Variants in GLDN observed in about 807,000 individuals in gnomAD.
The protein encoded by GLDN is gliomedin.
GLDN carries 47 observed loss-of-function variants against 56.5 expected under a neutral mutation model. The observed-to-expected ratio is 0.83, with a 90% CI of 0.66 to 1.06. GLDN has a LOEUF of 1.06. Ranked by LOEUF, GLDN falls within the 50% of genes least tolerant of loss-of-function variation. The pLI is 0.00. For missense variants in GLDN, 782 were observed against 714.3 expected (o/e 1.09, Z -1.08); for synonymous variants, 332 against 278.8 (o/e 1.19, Z -1.90).
chr15:51,368,349 C>T (rs7174434), intron 1 of GLDN, among the ~76,000 whole-genome samples: 17,697 of 151,892 alleles, frequency 0.12, 1,961 homozygotes, highest in African/African-American at 0.29. Context: ...GGCACAGAAA[C>T]GGGCAGTCAG....
intron 6 of GLDN, among the ~76,000 whole-genome samples, chr15:51,398,926 T>G (rs1394773403): frequency 6.6e-6 from 1 of 152,210 alleles, no homozygotes; most frequent in Non-Finnish European, 1.5e-5. Flanking sequence ...CTCCTGGGCT[T>G]AGCCTAATCT....
Position 51,405,936 on chromosome 15 carries a change from A to G in GLDN, c.*1182A>G, listed in dbSNP as rs578050268. 6.6e-6 allele frequency: 1 copy of G among 152,244 alleles called. No homozygotes were observed. Among genetic ancestry groups the G allele is most frequent in the Admixed American group, 6.5e-5 (1 of 15,282 alleles). The allele number at this position is 152,244 out of a possible 1,614,324, so 9.4% of individuals were successfully genotyped here. A position where few individuals can be genotyped will look rare whatever the true frequency, so the allele number is the denominator to read the frequency against. On this transcript the variant is annotated 3_prime_UTR_variant, in exon 10 of 10. Coordinates refer to ENST00000335449, the MANE Select transcript of GLDN (RefSeq NM_181789.4). ...TGCAACAAAGAGCATATGGCCCCAC[A>G]GTGCCTAAAATATTGACCAGCTACC... is the stretch of plus-strand genomic sequence containing the variant.
At chr15:51,372,361 G>A (rs563925899) in intron 1 of GLDN, among the ~76,000 whole-genome samples, 3 of 152,142 alleles carry the variant, frequency 2.0e-5, no homozygotes, top group South Asian at 2.1e-4. Flanking sequence ...AAAACAAGTC[G>A]CCATGCAATG....
chr15:51,355,593 G>A lies in GLDN; in HGVS notation c.363+13546G>A, dbSNP rs563744594. ...GGCTGGAGTCCAGTGGCATGATTTC[G>A]GCTCACTTTAACCTCCGCCTCCTGG... On this transcript the variant is annotated intron_variant, in intron 1 of 9. Transcript: ENST00000335449. Among the ~76,000 whole-genome samples the A allele has an allele frequency of 5.3e-3, 776 of 146,582 alleles. 4 individuals carry two copies. Among genetic ancestry groups the A allele is most frequent in the Non-Finnish European group, 8.2e-3 (548 of 67,080 alleles).
intron 1 of GLDN, among the ~76,000 whole-genome samples, chr15:51,355,983 G>A (rs528132340): frequency 0.041 from 6,102 of 148,424 alleles, 164 homozygotes; most frequent in South Asian, 0.066. Context: ...CAAGGCGGGC[G>A]GATCACGAGG....
intron 5 of GLDN, among the ~76,000 whole-genome samples, 159 bp downstream of exon 5, chr15:51,395,140 G>T (rs2038099821): frequency 6.6e-6 from 1 of 152,190 alleles, no homozygotes; most frequent in Admixed American, 6.5e-5. Flanking sequence ...TCAAAGAGGA[G>T]AAACATGAGC....
At chr15:51,384,358 T>A (rs1468200172) in intron 4 of GLDN, 1 of 202,424 alleles carries the variant, frequency 4.9e-6, no homozygotes, top group East Asian at 1.7e-4. Flanking sequence ...TAGCTCAAAC[T>A]GCTTGAGTGG....
rs772141288 is a variant in GLDN at position 51,404,759 on chromosome 15, C to A, written c.*5C>A. On this transcript the variant is annotated 3_prime_UTR_variant, in exon 10 of 10. Transcript: ENST00000335449. ...TCAACTACCTTAAATCAGTGATGTGCTGCATTCGGCTCCCTTCAGCAAATT... is the reference window on the plus strand; with the variant it reads ...TCAACTACCTTAAATCAGTGATGTGATGCATTCGGCTCCCTTCAGCAAATT... 31 of 1,425,374 alleles carry A rather than the reference C, an allele frequency of 2.2e-5. No homozygotes were observed. Among genetic ancestry groups the A allele is most frequent in the Non-Finnish European group, 2.9e-5 (30 of 1,016,994 alleles). 88.3% of individuals were successfully genotyped at this position (1,425,374 alleles called of 1,614,324 possible). A position where few individuals can be genotyped will look rare whatever the true frequency, so the allele number is the denominator to read the frequency against.
intron 1 of GLDN, among the ~76,000 whole-genome samples, chr15:51,374,982 G>C (rs555083186): frequency 6.6e-6 from 1 of 151,904 alleles, no homozygotes; most frequent in South Asian, 2.1e-4. Flanking sequence ...TCCCACCTTG[G>C]CCTACCAAAG....
intron 2 of GLDN, among the ~76,000 whole-genome samples, chr15:51,381,284 ACAGT>A (rs2037753486): frequency 6.6e-6 from 1 of 152,208 alleles, no homozygotes; most frequent in African/African-American, 2.4e-5. Context: ...CTTGTGTCTT[ACAGT>A]CAAATTATTC....
In GLDN at chr15:51,377,506, C is replaced by G. The variant is rs771305469; in HGVS notation, c.415+6C>G. Reference sequence around the variant, plus strand: ...CAAGGGCATCTGCCTCACAGGTAGGCTGGCCGCTGAGCAGAGCCGCTCACA... The same window carrying G: ...CAAGGGCATCTGCCTCACAGGTAGGGTGGCCGCTGAGCAGAGCCGCTCACA... On this transcript the variant is annotated splice_donor_region_variant and intron_variant, in intron 2 of 9. Transcript: ENST00000335449. 3 of 1,613,234 alleles carry G rather than the reference C, an allele frequency of 1.9e-6. No individual in the cohort carries two copies. The highest frequency in any genetic ancestry group is 2.5e-6 in the Non-Finnish European group (3 of 1,179,462).
In GLDN at chr15:51,383,845, A is replaced by G. The variant is rs745549103; in HGVS notation, c.494A>G (p.Gln165Arg). 31 of 1,612,960 alleles carry G rather than the reference A, an allele frequency of 1.9e-5. No homozygotes were observed. In the African/African-American group the frequency reaches 3.6e-4, roughly 19 times the overall value. ...HNGLDGQPGP[Q>R]GPKGEKGANG... The stretch of plus-strand genomic sequence containing the variant: ...GGATTGGATGGACAGCCTGGTCCTC[A>G]GGGCCCAAAAGGAGAAAAAGGAGCA... The change falls in exon 4 of 10, where the codon CAG becomes CGG. Residue 165 changes from glutamine to arginine, a missense_variant. Gln to Arg is a conservative substitution (Grantham distance 43). Transcript: ENST00000335449.
intron 4 of GLDN, 198 bp downstream of exon 4, chr15:51,384,090 A>G: frequency 1.6e-6 from 1 of 626,734 alleles, no homozygotes; most frequent in Non-Finnish European, 2.9e-6. Flanking sequence ...ACAGATGTTT[A>G]TTTCAAACTG....
chr15:51,410,060 T>C (rs1384047883), downstream of GLDN, among the ~76,000 whole-genome samples: 2 of 152,166 alleles, frequency 1.3e-5, no homozygotes, highest in African/African-American at 4.8e-5. Flanking sequence ...TTACCACCAC[T>C]GGACAGCCCT....
intron 2 of GLDN, 44 bp from the exon 3 acceptor site, chr15:51,383,392 G>T (rs2037809823): frequency 1.2e-6 from 2 of 1,610,512 alleles, no homozygotes; most frequent in Non-Finnish European, 1.7e-6. Flanking sequence ...TTTGTTTTCT[G>T]GGTTCGGTGC....
intron 5 of GLDN, 79 bp downstream of exon 5, chr15:51,395,060 C>T (rs951475510): frequency 1.4e-6 from 2 of 1,379,958 alleles, no homozygotes; most frequent in South Asian, 3.3e-5. Context: ...CAGGGCTGCT[C>T]CTGTGTCTTC....
chr15:51,382,987 G>A (rs550093030), intron 2 of GLDN, among the ~76,000 whole-genome samples: 50 of 152,132 alleles, frequency 3.3e-4, no homozygotes, highest in African/African-American at 1.2e-3. Context: ...TTTCACTCCC[G>A]ACTCCCCCCA....
intron 5 of GLDN, among the ~76,000 whole-genome samples, chr15:51,395,871 G>T (rs2038116172): frequency 6.6e-6 from 1 of 152,166 alleles, no homozygotes; most frequent in Admixed American, 6.5e-5. Flanking sequence ...ATGGCAGAAG[G>T]TGAAGGGGGA....
rs1486952146 is a variant in GLDN, at chr15:51,383,789, T to C, written c.438T>C (p.Pro146=). ...CLTGPSGPPG[P]PGAGGLPGHN... is the part of the protein sequence containing the mutation. Reference sequence around the variant, plus strand: ...TGTTTCTGTGTTTTGATGCAGGACCTCCGGGAGCCGGCGGGTTGCCAGGAC... The same window carrying C: ...TGTTTCTGTGTTTTGATGCAGGACCCCCGGGAGCCGGCGGGTTGCCAGGAC... The change falls in exon 4 of 10, where the codon CCT becomes CCC. Residue 146 remains proline, a synonymous_variant. Coordinates refer to ENST00000335449, the MANE Select transcript of GLDN (RefSeq NM_181789.4). 1 of 1,607,308 alleles carries C rather than the reference T, an allele frequency of 6.2e-7. No individual in the cohort carries two copies. The highest frequency in any genetic ancestry group is 1.3e-5 in the African/African-American group (1 of 74,390).
Sources: allele counts gnomAD v4.1 joint callset (sites outside exome capture counted in the v4.1 genomes callset), GRCh38; gene constraint gnomAD v4.1.1; transcripts MANE v1.5; gene names NCBI Gene and HGNC (gene_info 2026-07-23, HGNC 2026-07-21).